Variants in SQOR observed in about 807,000 individuals in gnomAD.
The protein encoded by SQOR is sulfide quinone oxidoreductase, also known as sulfide:quinone oxidoreductase, mitochondrial.
Under a neutral mutation model 48.6 loss-of-function variants are expected in SQOR, and 39 were observed. The observed-to-expected ratio is 0.80, with a 90% CI of 0.62 to 1.05. The LOEUF is 1.05. SQOR is among the 50% of genes least tolerant of loss of function. The pLI, the probability that SQOR is intolerant of heterozygous loss-of-function variation, is 0.00. For missense variants in SQOR, 561 were observed against 559.9 expected (o/e 1.00, Z -0.02); for synonymous variants, 220 against 206.2 (o/e 1.07, Z -0.57).
chr15:45,671,907 C>T (rs1330021241), intron 4 of SQOR, among the ~76,000 whole-genome samples: 1 of 152,172 alleles, frequency 6.6e-6, no homozygotes, highest in African/African-American at 2.4e-5. Flanking sequence ...TCATCTCTTT[C>T]CCTGACTCTC....
intron 1 of SQOR, among the ~76,000 whole-genome samples, chr15:45,653,388 C>G (rs1889533072): frequency 7.0e-6 from 1 of 143,750 alleles, no homozygotes; most frequent in Non-Finnish European, 1.5e-5. Context: ...CAGGGGAACA[C>G]TCTACCTCAG....
intron 1 of SQOR, among the ~76,000 whole-genome samples, chr15:45,654,884 T>C (rs7175288): frequency 0.24 from 36,911 of 151,874 alleles, 4,787 homozygotes; most frequent in Admixed American, 0.32. Context: ...GTTTACATAG[T>C]GCATCAGGAA....
intron 8 of SQOR, 56 bp from the exon 9 acceptor site, chr15:45,688,983 A>T (rs980244364): frequency 3.5e-6 from 5 of 1,445,442 alleles, no homozygotes; most frequent in Middle Eastern, 1.9e-4. Context: ...CTATAGTGTT[A>T]ATATAGTACC....
intron 1 of SQOR, among the ~76,000 whole-genome samples, chr15:45,643,046 C>G (rs1330536056): frequency 6.6e-6 from 1 of 152,212 alleles, no homozygotes; most frequent in Non-Finnish European, 1.5e-5. Context: ...AAAGCTGCCC[C>G]TTTGTGCGAT....
At chr15:45,653,246 CG>C (rs75623076) in intron 1 of SQOR, among the ~76,000 whole-genome samples, 4,524 of 152,254 alleles carry the variant, frequency 0.03, 199 homozygotes, top group East Asian at 0.18. Flanking sequence ...TCACTTCAGA[CG>C]CCAGCCAGGC....
intron 1 of SQOR, among the ~76,000 whole-genome samples, chr15:45,651,018 C>T (rs954673560): frequency 3.9e-5 from 6 of 152,320 alleles, no homozygotes; most frequent in Admixed American, 3.9e-4. Flanking sequence ...ACCTGCACTC[C>T]TCAGCCCTTG....
chr15:45,672,357 C>G (rs1049459328), intron 4 of SQOR, among the ~76,000 whole-genome samples: 2 of 151,990 alleles, frequency 1.3e-5, no homozygotes, highest in Admixed American at 6.6e-5. Flanking sequence ...CATTTAAATG[C>G]AAGGTGATTT....
intron 1 of SQOR, among the ~76,000 whole-genome samples, chr15:45,655,886 C>T (rs939267050): frequency 2.6e-5 from 4 of 151,838 alleles, no homozygotes; most frequent in Non-Finnish European, 4.4e-5. Context: ...GGGATTTCAC[C>T]ATGTTGGCCA....
chr15:45,676,272 G>C lies in SQOR; in HGVS notation c.826G>C (p.Glu276Gln). Residue 276 changes from glutamate to glutamine, a missense_variant, in exon 6 of 10, where the codon GAG (glutamate) becomes CAG (glutamine). Transcript: ENST00000260324. ...VRADKQEAVFENLDKPGETQV... is the reference protein window; with the variant it reads ...VRADKQEAVFQNLDKPGETQV... The stretch of plus-strand genomic sequence containing the variant: ...AGCCGATAAACAAGAGGCTGTATTT[G>C]AGAACCTGGACAAACCAGGAGAGAC... 1.2e-6 allele frequency: 2 copies of C among 1,614,102 alleles called. No individual in the cohort carries two copies. The highest frequency in any genetic ancestry group is 1.7e-6 in the Non-Finnish European group (2 of 1,179,976).
rs1465836831 is a variant in SQOR, at chr15:45,661,970, C to T, written c.250C>T (p.Pro84Ser). Residue 84 changes from proline to serine, a missense_variant, in exon 3 of 10, where the codon CCA becomes TCA. Transcript: ENST00000260324. ...TGTTTCTCAGAGACATTTCTACCAG[C>T]CAATCTGGACACTGGTGGGTGCTGG... ...VEPSERHFYQ[P>S]IWTLVGAGAK... 4 of 1,613,908 alleles carry T rather than the reference C, an allele frequency of 2.5e-6. No homozygotes were observed. Among genetic ancestry groups the T allele is most frequent in the Admixed American group, 3.3e-5 (2 of 59,930 alleles).
intron 1 of SQOR, among the ~76,000 whole-genome samples, chr15:45,638,313 T>A (rs1895042678): frequency 6.6e-6 from 1 of 152,120 alleles, no homozygotes; most frequent in Non-Finnish European, 1.5e-5. Context: ...GTGCCTTAGT[T>A]AGAAGTGGTG....
intron 1 of SQOR, among the ~76,000 whole-genome samples, chr15:45,649,834 G>A (rs1889433856): frequency 1.3e-5 from 2 of 151,334 alleles, no homozygotes; most frequent in African/African-American, 4.9e-5. Flanking sequence ...TGGGATATGG[G>A]CAATGCTTTT....
At chr15:45,646,231 G>A (rs1179281024) in intron 1 of SQOR, among the ~76,000 whole-genome samples, 1 of 152,204 alleles carries the variant, frequency 6.6e-6, no homozygotes, top group Admixed American at 6.5e-5. Flanking sequence ...CTGCCCTATC[G>A]CAGCAGAGAG....
chr15:45,683,164 T>C (rs1234150535), intron 7 of SQOR, among the ~76,000 whole-genome samples: 1 of 151,922 alleles, frequency 6.6e-6, no homozygotes, highest in African/African-American at 2.4e-5. Context: ...GTCAGAGGGG[T>C]TGTTGTCAGA....
In SQOR at chr15:45,669,937, C is replaced by A. The variant is rs114648187; in HGVS notation, c.415C>A (p.Arg139=). The change falls in exon 4 of 10, where the codon CGA becomes AGA. Residue 139 remains arginine (R), a synonymous_variant. Coordinates refer to ENST00000260324, the MANE Select transcript of SQOR (RefSeq NM_021199.4). ...TCTTTTTGTGTTGCAGATCTCCTAC[C>A]GATATCTTATTATTGCTCTCGGAAT... ...HTDDDEKISY[R]YLIIALGIQL... The A allele has an allele frequency of 1.2e-6, 2 of 1,613,940 alleles. No homozygotes were observed. Among genetic ancestry groups the A allele is most frequent in the African/African-American group, 2.7e-5 (2 of 75,052 alleles).
In SQOR at chr15:45,682,317, A is replaced by G. The variant is rs114329084; in HGVS notation, c.865-161A>G. ...GCTTATCACCATTCCCCAGGAGAAC[A>G]CATAAGATCTTGGAGAGGGCGTGGA... On this transcript the variant is annotated intron_variant, in intron 6 of 9. Transcript: ENST00000260324. 5.6e-3 allele frequency among the ~76,000 whole-genome samples: 858 copies of G among 152,362 alleles called. 11 individuals carry two copies. The highest frequency in any genetic ancestry group is 0.02 in the African/African-American group (821 of 41,584).
chr15:45,653,334 A>G (rs1432563982), intron 1 of SQOR, among the ~76,000 whole-genome samples: 2 of 152,212 alleles, frequency 1.3e-5, no homozygotes, highest in Non-Finnish European at 1.5e-5. Context: ...CCCATGATCC[A>G]TCCTCCTCAG....
At chr15:45,690,320 C>A (rs2140966016) in intron 9 of SQOR, among the ~76,000 whole-genome samples, 1 of 152,278 alleles carries the variant, frequency 6.6e-6, no homozygotes, top group East Asian at 1.9e-4. Context: ...CCTGCCTCAG[C>A]CTCCCAAAGT....
upstream of SQOR, among the ~76,000 whole-genome samples, chr15:45,632,602 C>T (rs1452318943): frequency 1.3e-5 from 2 of 152,100 alleles, no homozygotes; most frequent in East Asian, 3.9e-4. Context: ...TCCTGTGACT[C>T]CTTCCCGCCT....
Sources: allele counts gnomAD v4.1 joint callset (sites outside exome capture counted in the v4.1 genomes callset), GRCh38; gene constraint gnomAD v4.1.1; transcripts MANE v1.5; gene names NCBI Gene and HGNC (gene_info 2026-07-23, HGNC 2026-07-21).